ZNF521: variants seen among roughly 807,000 people sequenced by gnomAD.
The protein encoded by ZNF521 is LYST-interacting protein 3.
In ZNF521, 14 loss-of-function variants were observed where a neutral mutation model predicts 105.5. The observed-to-expected ratio is 0.13, with a 90% confidence interval of 0.09 to 0.21. ZNF521 has a LOEUF of 0.21. Ranked by LOEUF, ZNF521 falls within the 10% of genes least tolerant of loss-of-function variation. The probability of loss-of-function intolerance (pLI) is 1.00; values close to 1 mark genes in which losing one functional copy is unlikely to be tolerated. For synonymous variants in ZNF521, 635 were observed against 606.0 expected (o/e 1.05, Z -0.70); for missense variants, 1,233 against 1,629.7 (o/e 0.76, Z 4.19).
intron 5 of ZNF521, among the ~76,000 whole-genome samples, chr18:25,103,391 A>T (rs1315156393): frequency 6.6e-6 from 1 of 152,146 alleles, no homozygotes; most frequent in Non-Finnish European, 1.5e-5. Flanking sequence ...TGATTTCTTA[A>T]TTCTATTCTG....
intron 5 of ZNF521, among the ~76,000 whole-genome samples, chr18:25,164,327 C>T (rs1373416337): frequency 6.6e-6 from 1 of 152,094 alleles, no homozygotes; most frequent in East Asian, 1.9e-4. Flanking sequence ...GAGAGCCAAC[C>T]CCAATAGATG....
chr18:25,215,418 G>A (rs1237613497), intron 4 of ZNF521, among the ~76,000 whole-genome samples: 4 of 151,942 alleles, frequency 2.6e-5, no homozygotes, highest in East Asian at 1.9e-4. Flanking sequence ...CCAGACATCC[G>A]GAATATAGCT....
At chr18:25,293,944 C>A (rs374497053) in intron 3 of ZNF521, among the ~76,000 whole-genome samples, 4 of 152,244 alleles carry the variant, frequency 2.6e-5, no homozygotes, top group Non-Finnish European at 1.5e-5. Context: ...CAAATAATTT[C>A]TTTAATCCAG....
chr18:25,165,956 C>G (rs986788834), intron 5 of ZNF521, among the ~76,000 whole-genome samples: 1 of 152,186 alleles, frequency 6.6e-6, no homozygotes, highest in Admixed American at 6.5e-5. Flanking sequence ...AAGAACCACT[C>G]TGTGTGTTTA....
intron 2 of ZNF521, among the ~76,000 whole-genome samples, chr18:25,322,546 A>C (rs1015340851): frequency 6.7e-6 from 1 of 150,328 alleles, no homozygotes; most frequent in Admixed American, 6.6e-5. Context: ...AAAAAAAAAA[A>C]AAAAAAACCC....
intron 5 of ZNF521, among the ~76,000 whole-genome samples, chr18:25,154,708 A>G (rs953315368): frequency 1.3e-5 from 2 of 152,190 alleles, no homozygotes; most frequent in African/African-American, 2.4e-5. Flanking sequence ...ACACTTTTTG[A>G]TAAACTCAGA....
At chr18:25,263,654 C>A (rs1909065527) in intron 3 of ZNF521, among the ~76,000 whole-genome samples, 1 of 152,222 alleles carries the variant, frequency 6.6e-6, no homozygotes, top group Admixed American at 6.5e-5. Flanking sequence ...TGGCTCACTG[C>A]AACTTCTGCC....
chr18:25,292,872 C>T (rs978353515), intron 3 of ZNF521, among the ~76,000 whole-genome samples: 1 of 152,118 alleles, frequency 6.6e-6, no homozygotes, highest in African/African-American at 2.4e-5. Context: ...ATAAATAAAA[C>T]CACCCAACCT....
chr18:25,288,294 C>CT (rs1369851155), intron 3 of ZNF521, among the ~76,000 whole-genome samples: 1 of 152,144 alleles, frequency 6.6e-6, no homozygotes, highest in Non-Finnish European at 1.5e-5. Context: ...GAGCCAATTG[C>CT]TTAAGTTCTC....
intron 5 of ZNF521, among the ~76,000 whole-genome samples, chr18:25,137,725 C>A (rs1269692210): frequency 2.6e-5 from 4 of 152,132 alleles, no homozygotes; most frequent in Admixed American, 2.6e-4. Context: ...TGAGCCTCAA[C>A]CTCATTGGGG....
At chr18:25,281,871 G>A (rs1290370951) in intron 3 of ZNF521, among the ~76,000 whole-genome samples, 2 of 152,038 alleles carry the variant, frequency 1.3e-5, no homozygotes, top group Admixed American at 6.6e-5. Flanking sequence ...CAAAAATAAC[G>A]GAAGGAATCA....
chr18:25,162,622 C>G (rs1255448828), intron 5 of ZNF521, among the ~76,000 whole-genome samples: 1 of 152,164 alleles, frequency 6.6e-6, no homozygotes, highest in Non-Finnish European at 1.5e-5. Flanking sequence ...TCAGACCAGA[C>G]AGTCTGTTAT....
At chr18:25,187,988 C>T (rs757918357) in intron 5 of ZNF521, among the ~76,000 whole-genome samples, 1 of 152,162 alleles carries the variant, frequency 6.6e-6, no homozygotes, top group African/African-American at 2.4e-5. Flanking sequence ...GTGGTAATCA[C>T]AGGCGGATTA....
chr18:25,314,009 C>T (rs767227034), intron 3 of ZNF521, among the ~76,000 whole-genome samples: 1 of 151,878 alleles, frequency 6.6e-6, no homozygotes, highest in Non-Finnish European at 1.5e-5. Flanking sequence ...AATATAGAAA[C>T]ATAAATTAAT....
intron 3 of ZNF521, among the ~76,000 whole-genome samples, chr18:25,316,012 A>G (rs1912587873): frequency 6.6e-6 from 1 of 152,050 alleles, no homozygotes; most frequent in Non-Finnish European, 1.5e-5. Context: ...TCTATAATTA[A>G]CCCTCTAGCA....
chr18:25,341,935 A>C (rs1257822415), intron 2 of ZNF521, among the ~76,000 whole-genome samples: 2 of 152,172 alleles, frequency 1.3e-5, no homozygotes, highest in East Asian at 3.9e-4. Context: ...GGCATCAAAA[A>C]CCAAAACACA....
chr18:25,111,820 A>T (rs1260916864), intron 5 of ZNF521, among the ~76,000 whole-genome samples: 1 of 152,226 alleles, frequency 6.6e-6, no homozygotes, highest in African/African-American at 2.4e-5. Context: ...CTGGCTGATC[A>T]GATGCTGTTT....
At chr18:25,251,546 T>G (rs923141392) in intron 3 of ZNF521, among the ~76,000 whole-genome samples, 1 of 152,186 alleles carries the variant, frequency 6.6e-6, no homozygotes, top group Non-Finnish European at 1.5e-5. Context: ...TGTAACATTA[T>G]CCAAATCCTT....
At chr18:25,141,285 TAAG>T (rs1172385500) in intron 5 of ZNF521, among the ~76,000 whole-genome samples, 1 of 152,102 alleles carries the variant, frequency 6.6e-6, no homozygotes, top group Non-Finnish European at 1.5e-5. Context: ...TGAAAAAAGT[TAAG>T]AAAAAAAGCT....
Sources: gnomAD v4.1 joint callset for allele counts (sites outside exome capture counted in the v4.1 genomes callset) on GRCh38, gnomAD v4.1.1 for gene constraint, MANE v1.5 for transcripts, NCBI Gene and HGNC (gene_info 2026-07-23, HGNC 2026-07-21) for gene names.